SLC29A3: variants seen among roughly 807,000 people sequenced by gnomAD.
The protein encoded by SLC29A3 is solute carrier family 29 member 3.
A neutral mutation model predicts 25.4 loss-of-function variants in SLC29A3; 18 were observed. The observed-to-expected ratio is 0.71, with a 90% CI of 0.49 to 1.05. The LOEUF is 1.05. Ranked by LOEUF, SLC29A3 falls within the 50% of genes least tolerant of loss-of-function variation. The pLI, the probability that SLC29A3 is intolerant of heterozygous loss-of-function variation, is 0.00. For missense variants in SLC29A3, 586 were observed against 609.0 expected (o/e 0.96, Z 0.40); for synonymous variants, 258 against 267.1 (o/e 0.97, Z 0.33).
At chr10:71,376,619 A>G (rs1847253683) in intron 4 of SLC29A3, among the ~76,000 whole-genome samples, 1 of 152,248 alleles carries the variant, frequency 6.6e-6, no homozygotes, top group African/African-American at 2.4e-5. Context: ...AACCTTAAAT[A>G]ATAAGATATA....
intron 1 of SLC29A3, 43 bp downstream of exon 1, chr10:71,319,353 C>A (rs72542482): frequency 8.0e-6 from 5 of 622,630 alleles, no homozygotes; most frequent in Middle Eastern, 4.0e-4. Flanking sequence ...ACGGTCCCGG[C>A]CGCCCCCAGA....
chr10:71,373,916 C>T (rs1042388794), intron 3 of SLC29A3, among the ~76,000 whole-genome samples: 2 of 152,322 alleles, frequency 1.3e-5, no homozygotes, highest in African/African-American at 4.8e-5. Flanking sequence ...GGGATATCTA[C>T]ATTCGTTCAC....
At chr10:71,377,977 A>T (rs79980057) in intron 4 of SLC29A3, among the ~76,000 whole-genome samples, 13,772 of 151,188 alleles carry the variant, frequency 0.091, 707 homozygotes, top group African/African-American at 0.14. Context: ...AGGTGGCTTG[A>T]GTTCTTAATG....
At chr10:71,332,951 C>G (rs1846154795) in intron 2 of SLC29A3, among the ~76,000 whole-genome samples, 1 of 152,256 alleles carries the variant, frequency 6.6e-6, no homozygotes, top group South Asian at 2.1e-4. Context: ...CCCACCCGCG[C>G]TGCGCTCCCT....
chr10:71,365,803 G>A (rs189349307), downstream of SLC29A3: 36 of 152,186 alleles, frequency 2.4e-4, no homozygotes, highest in African/African-American at 8.4e-4. Context: ...GAACCCAGCA[G>A]GCTTGGAACC....
intron 4 of SLC29A3, among the ~76,000 whole-genome samples, chr10:71,354,488 G>T (rs2131842342): frequency 1.3e-5 from 2 of 152,342 alleles, no homozygotes; most frequent in Middle Eastern, 3.4e-3. Context: ...CAGACCAAGG[G>T]CTATTCTCTG....
chr10:71,344,078 AC>A, intron 2 of SLC29A3, 130 bp from the exon 3 acceptor site: 2 of 777,566 alleles, frequency 2.6e-6, no homozygotes, highest in Non-Finnish European at 4.5e-6. Flanking sequence ...AGGTGGGCTC[AC>A]CCACGGCTCC....
Position 71,362,284 on chromosome 10 carries a change from G to C in SLC29A3, c.1104G>C (p.Trp368Cys). ...TATGTGGCCGGCAGCTCACCGCCTG[G>C]ATCCAGGTGCCAGGGCCCAATAGCA... ...ADLCGRQLTA[W>C]IQVPGPNSKA... Residue 368 changes from tryptophan to cysteine, a missense_variant, in exon 6 of 6, where the codon TGG (tryptophan) becomes TGC (cysteine). Physicochemically the swap from Trp to Cys is radical, Grantham distance 215. Transcript: ENST00000373189. 1 of 1,614,146 alleles carries C rather than the reference G, an allele frequency of 6.2e-7. No homozygotes were observed. Among genetic ancestry groups the C allele is most frequent in the Non-Finnish European group, 8.5e-7 (1 of 1,180,026 alleles).
chr10:71,333,560 C>T (rs564447680), intron 2 of SLC29A3, among the ~76,000 whole-genome samples: 4 of 152,382 alleles, frequency 2.6e-5, no homozygotes, highest in East Asian at 1.9e-4. Context: ...GGAGCACCCC[C>T]AGACCACCTC....
At position 71,363,116 on chromosome 10, in the gene SLC29A3, G is replaced by C. The variant is rs1231160130; in HGVS notation, c.*508G>C. On this transcript the variant is annotated 3_prime_UTR_variant, in exon 6 of 6. Coordinates refer to ENST00000373189, the MANE Select transcript of SLC29A3 (RefSeq NM_018344.6). The stretch of plus-strand genomic sequence containing the variant: ...CAGGCCCAAGACTCAAGTGTGCACA[G>C]ACCCCTGTGTTCTGTGGGTGAACAA... The C allele has an allele frequency of 4.5e-6, 2 of 442,648 alleles. No homozygotes were observed. The highest frequency in any genetic ancestry group is 4.0e-5 in the African/African-American group (2 of 49,674). The allele number at this position is 442,648 out of a possible 1,614,324, so 27.4% of individuals were successfully genotyped here. A position where few individuals can be genotyped will look rare whatever the true frequency, so the allele number is the denominator to read the frequency against.
intron 3 of SLC29A3, among the ~76,000 whole-genome samples, chr10:71,372,653 C>T (rs1272274177): frequency 1.3e-5 from 2 of 152,186 alleles, no homozygotes; most frequent in African/African-American, 4.8e-5. Context: ...AAAGTGAGGG[C>T]TTCATCTGCT....
At chr10:71,320,913 G>C (rs757253364) in intron 1 of SLC29A3, among the ~76,000 whole-genome samples, 1 of 152,144 alleles carries the variant, frequency 6.6e-6, no homozygotes, top group Non-Finnish European at 1.5e-5. Context: ...AGTCCTCCCC[G>C]GTGTGCTGAG....
intron 2 of SLC29A3, among the ~76,000 whole-genome samples, chr10:71,331,916 C>T (rs1162161507): frequency 6.6e-6 from 1 of 152,144 alleles, no homozygotes. Context: ...TAGACCCTTC[C>T]CTGATGGCTT....
intron 5 of SLC29A3, among the ~76,000 whole-genome samples, chr10:71,360,716 G>T (rs867265246): frequency 7.2e-5 from 11 of 152,168 alleles, no homozygotes; most frequent in Non-Finnish European, 1.5e-4. Flanking sequence ...TAGTATACAT[G>T]TGCAAGGATT....
At chr10:71,332,677 A>G (rs990341775) in intron 2 of SLC29A3, among the ~76,000 whole-genome samples, 1 of 152,172 alleles carries the variant, frequency 6.6e-6, no homozygotes, top group African/African-American at 2.4e-5. Context: ...ACTGCTCTAC[A>G]CCATTTTTAA....
intron 2 of SLC29A3, among the ~76,000 whole-genome samples, chr10:71,336,490 G>A (rs7914132): frequency 0.02 from 3,056 of 152,050 alleles, 90 homozygotes; most frequent in African/African-American, 0.068. Context: ...GGCTTTGGCA[G>A]TGGCAACATG....
At chr10:71,361,130 C>CTGTTTTGTTTTGTTTTGTTT (rs79643634) in intron 5 of SLC29A3, among the ~76,000 whole-genome samples, 1 of 151,944 alleles carries the variant, frequency 6.6e-6, no homozygotes, top group African/African-American at 2.4e-5. Flanking sequence ...ATTGGTTTTT[C>CTGTTTTGTTTTGTTTTGTTT]TGTTTTGTTT....
downstream of SLC29A3, chr10:71,365,925 T>C (rs1450970732): frequency 2.0e-5 from 3 of 152,154 alleles, no homozygotes; most frequent in Non-Finnish European, 4.4e-5. Flanking sequence ...AGTTCTCTGA[T>C]TTAATTCCAA....
At position 71,334,322 on chromosome 10, in the gene SLC29A3, C is replaced by G. The variant is rs549945608; in HGVS notation, c.301-9887C>G. Among the ~76,000 whole-genome samples, 4 of 152,244 alleles carry G rather than the reference C, an allele frequency of 2.6e-5. No individual in the cohort carries two copies. The East Asian group carries it at 5.8e-4, about 22-fold the overall frequency. ...ACAAATGGGCTGACCGAAGGCCGAC[C>G]GCGTTCCAGTGTTCACACAAAGGAA... On this transcript the variant is annotated intron_variant, in intron 2 of 5. Coordinates refer to ENST00000373189, the MANE Select transcript of SLC29A3 (RefSeq NM_018344.6).
Sources: allele counts gnomAD v4.1 joint callset (sites outside exome capture counted in the v4.1 genomes callset), GRCh38; gene constraint gnomAD v4.1.1; transcripts MANE v1.5; gene names NCBI Gene and HGNC (gene_info 2026-07-23, HGNC 2026-07-21).